The following HMGCL variants were observed in gnomAD, a reference collection of about 807,000 sequenced individuals.
The protein encoded by HMGCL is 3-hydroxy-3-methylglutaryl-CoA lyase, also known as hydroxymethylglutaryl-CoA lyase, mitochondrial.
Under a neutral mutation model 37.3 loss-of-function variants are expected in HMGCL, and 26 were observed. The ratio of observed to expected loss-of-function variants is 0.70; its 90% CI spans 0.51 to 0.97. The LOEUF (loss-of-function observed/expected upper bound fraction) is 0.97. HMGCL is among the 50% of genes least tolerant of loss of function. The probability of loss-of-function intolerance (pLI) is 0.00; values close to 1 mark genes in which losing one functional copy is unlikely to be tolerated. For synonymous variants in HMGCL, 151 were observed against 148.0 expected (o/e 1.02, Z -0.15); for missense variants, 379 against 398.1 (o/e 0.95, Z 0.41).
Position 23,804,388 on chromosome 1 carries a change from G to A in HMGCL, c.876+12C>T, listed in dbSNP as rs1638361908. ...TTCGGGGCTGTCGCCACCAGGGGGTGGGTGGGCTTACCGTGTGAATGCCCA... is the reference window on the plus strand; with the variant it reads ...TTCGGGGCTGTCGCCACCAGGGGGTAGGTGGGCTTACCGTGTGAATGCCCA... On this transcript the variant is annotated intron_variant, in intron 8 of 8. Transcript: ENST00000374490. 2.5e-6 allele frequency: 4 copies of A among 1,614,014 alleles called. No homozygotes were observed. The highest frequency in any genetic ancestry group is 3.4e-6 in the Non-Finnish European group (4 of 1,180,042).
chr1:23,816,061 G>A (rs1013980339), intron 4 of HMGCL, among the ~76,000 whole-genome samples: 2 of 151,070 alleles, frequency 1.3e-5, no homozygotes, highest in Admixed American at 1.3e-4. Context: ...AGGACTACAG[G>A]TGCATGCCAT....
At chr1:23,813,954 C>T (rs1251708305) in intron 5 of HMGCL, 2 of 552,602 alleles carry the variant, frequency 3.6e-6, no homozygotes, top group Non-Finnish European at 6.5e-6. Context: ...GTTGCTAGGA[C>T]TACAGGCGCA....
rs959161107 is a variant in HMGCL, at chr1:23,816,866, G to A, written c.253-96C>T. On this transcript the variant is annotated intron_variant, in intron 3 of 8. Coordinates refer to ENST00000374490, the MANE Select transcript of HMGCL (RefSeq NM_000191.3). ...TTCATCACAAAACCTCTGTTCTCCAGAACTCTTAGCGAGTAATTCCTTCTG... is the reference window on the plus strand; with the variant it reads ...TTCATCACAAAACCTCTGTTCTCCAAAACTCTTAGCGAGTAATTCCTTCTG... 5.0e-6 allele frequency: 4 copies of A among 804,196 alleles called. No individual in the cohort carries two copies. In the African/African-American group the frequency reaches 6.7e-5, roughly 13 times the overall value. The allele number at this position is 804,196 out of a possible 1,614,324, so 49.8% of individuals were successfully genotyped here.
intron 4 of HMGCL, 177 bp downstream of exon 4, chr1:23,816,498 A>C: frequency 1.4e-6 from 1 of 714,550 alleles, no homozygotes; most frequent in South Asian, 1.5e-5. Flanking sequence ...TAGGCTTGTC[A>C]ACTTGTCAAG....
chr1:23,813,466 C>T (rs1638558909), intron 5 of HMGCL, among the ~76,000 whole-genome samples: 1 of 151,902 alleles, frequency 6.6e-6, no homozygotes, highest in Non-Finnish European at 1.5e-5. Context: ...TGGGGTTTCA[C>T]CATGTCGGCC....
chr1:23,811,614 C>T (rs1638522449), intron 5 of HMGCL, among the ~76,000 whole-genome samples: 2 of 152,132 alleles, frequency 1.3e-5, no homozygotes, highest in Admixed American at 1.3e-4. Context: ...AGAGGGAAGA[C>T]CTGGGCAAAG....
intron 6 of HMGCL, 37 bp from the exon 7 acceptor site, chr1:23,808,360 C>G: frequency 6.3e-7 from 1 of 1,579,548 alleles, no homozygotes; most frequent in Non-Finnish European, 8.7e-7. Context: ...GATACAGAAT[C>G]CACCAGCCAG....
chr1:23,802,325 G>A lies in HMGCL; in HGVS notation c.*138C>T. On this transcript the variant is annotated 3_prime_UTR_variant, in exon 9 of 9. Coordinates refer to ENST00000374490, the MANE Select transcript of HMGCL (RefSeq NM_000191.3). ...CCTGCCCTTCGCCTGCTTTCTGCCA[G>A]GAGAGACCTCTGTGTAGAGCTGGCT... 1 of 725,066 alleles carries A rather than the reference G, an allele frequency of 1.4e-6. No individual in the cohort carries two copies. The highest frequency in any genetic ancestry group is 1.5e-5 in the South Asian group (1 of 68,402). 44.9% of individuals were successfully genotyped at this position (725,066 alleles called of 1,614,324 possible).
chr1:23,816,005 A>G (rs1638606646), intron 4 of HMGCL, among the ~76,000 whole-genome samples: 1 of 151,464 alleles, frequency 6.6e-6, no homozygotes, highest in South Asian at 2.1e-4. Flanking sequence ...TGCAGCCTCG[A>G]ACTCCTAGTC....
chr1:23,816,758 T>C lies in HMGCL; in HGVS notation c.265A>G (p.Thr89Ala), dbSNP rs374889660. The change falls in exon 4 of 9, where the codon ACT becomes GCT. Residue 89 changes from threonine (T) to alanine (A), a missense_variant. By Grantham distance (58) the Thr-to-Ala change is moderately conservative. Coordinates refer to ENST00000374490, the MANE Select transcript of HMGCL (RefSeq NM_000191.3). ...TTCTGAATGCCCTTCAAGACTTCAG[T>C]GTGGTCACCCATCTAGGAACCAAGG... ...PKWVPQMGDH[T>A]EVLKGIQKFP... The C allele has an allele frequency of 5.0e-6, 8 of 1,609,476 alleles. No homozygotes were observed. The African/African-American group carries it at 8.0e-5, about 16-fold the overall frequency.
chr1:23,806,868 C>A lies in HMGCL; in HGVS notation c.750+1267G>T. ...TATTTACACGCCTGTAATCTTCCAT[C>A]TGTCTTCCCCACCCACCATAACATG... On this transcript the variant is annotated intron_variant, in intron 7 of 8. Coordinates refer to ENST00000374490, the MANE Select transcript of HMGCL (RefSeq NM_000191.3). This position sits in a 1 kb window ranked among gnomAD's most constrained non-coding sequence, Gnocchi z 4.0. The A allele has an allele frequency of 2.1e-6, 1 of 465,458 alleles. No homozygotes were observed. The highest frequency in any genetic ancestry group is 4.3e-6 in the Non-Finnish European group (1 of 232,918). 28.8% of individuals were successfully genotyped at this position (465,458 alleles called of 1,614,324 possible).
Position 23,825,274 on chromosome 1 carries a change from A to G in HMGCL, c.60+82T>C, listed in dbSNP as rs1638795614. ...AGCTGTCCGGCCTCGCCTCTAAGAG[A>G]GCAGTCACCACGGGCCAAGCCCCCA... On this transcript the variant is annotated intron_variant, in intron 1 of 8. Transcript: ENST00000374490. The G allele has an allele frequency of 2.6e-6, 3 of 1,154,480 alleles. No homozygotes were observed. In the Admixed American group the frequency reaches 6.0e-5, roughly 23 times the overall value. The allele number at this position is 1,154,480 out of a possible 1,614,324, so 71.5% of individuals were successfully genotyped here.
rs141640670 is a variant in HMGCL at position 23,805,800 on chromosome 1, C to G, written c.751-1275G>C. Among the ~76,000 whole-genome samples the G allele has an allele frequency of 6.9e-4, 105 of 152,318 alleles. 1 individual carries two copies. Among genetic ancestry groups the G allele is most frequent in the African/African-American group, 2.3e-3 (94 of 41,568 alleles). On this transcript the variant is annotated intron_variant, in intron 7 of 8. Coordinates refer to ENST00000374490, the MANE Select transcript of HMGCL (RefSeq NM_000191.3). ...ACCTGCCTATAGATGTCTCGAGCTTCACAGATCAGAACACGAACTGCTGAG... is the reference window on the plus strand; with the variant it reads ...ACCTGCCTATAGATGTCTCGAGCTTGACAGATCAGAACACGAACTGCTGAG...
At chr1:23,815,649 C>T (rs1638598522) in intron 4 of HMGCL, among the ~76,000 whole-genome samples, 1 of 151,846 alleles carries the variant, frequency 6.6e-6, no homozygotes, top group African/African-American at 2.4e-5. Context: ...GTACCTGCCA[C>T]CAAGCCTGGC....
chr1:23,808,086 G>T, intron 7 of HMGCL, 49 bp downstream of exon 7: 1 of 1,510,608 alleles, frequency 6.6e-7, no homozygotes, highest in Non-Finnish European at 9.2e-7. Context: ...ATAACAAGCT[G>T]TCCTGCCCAC....
chr1:23,820,597 T>C lies in HMGCL; in HGVS notation c.61-4A>G, dbSNP rs201383303. 6.2e-7 allele frequency: 1 copy of C among 1,612,762 alleles called. No individual in the cohort carries two copies. Among genetic ancestry groups the C allele is most frequent in the Non-Finnish European group, 8.5e-7 (1 of 1,178,696 alleles). ...TGCCCATAGATGAGGTGCTGACCTTTGGTTTAAAAGAGGAAACAAAAAGTA... is the reference window on the plus strand; with the variant it reads ...TGCCCATAGATGAGGTGCTGACCTTCGGTTTAAAAGAGGAAACAAAAAGTA... On this transcript the variant is annotated splice_region_variant and splice_polypyrimidine_tract_variant and intron_variant, in intron 1 of 8. Transcript: ENST00000374490.
Position 23,825,371 on chromosome 1 carries a change from C to G in HMGCL, c.45G>C (p.Leu15Phe). The change falls in exon 1 of 9, where the codon TTG (leucine) becomes TTC (phenylalanine). Residue 15 changes from leucine to phenylalanine, a missense_variant. By Grantham distance (22) the Leu-to-Phe change is conservative (BLOSUM62 0). Transcript: ENST00000374490. Reference sequence around the variant, plus strand: ...GGGCACTTACAGCCCGGAGGGACGCCAAGCCCACCAGTCGCCGCGGAAGCG... The same window carrying G: ...GGGCACTTACAGCCCGGAGGGACGCGAAGCCCACCAGTCGCCGCGGAAGCG... Reference protein sequence around the residue: ...RKALPRRLVGLASLRAVSTSS... With the variant: ...RKALPRRLVGFASLRAVSTSS... 1 of 1,560,678 alleles carries G rather than the reference C, an allele frequency of 6.4e-7. No homozygotes were observed. Among genetic ancestry groups the G allele is most frequent in the Non-Finnish European group, 8.7e-7 (1 of 1,153,174 alleles).
At chr1:23,803,990 T>C (rs780450276) in intron 8 of HMGCL, 10 of 224,606 alleles carry the variant, frequency 4.5e-5, no homozygotes, top group Non-Finnish European at 8.2e-5. Context: ...AGGACTGAAC[T>C]GTCAAAGTCA....
intron 1 of HMGCL, among the ~76,000 whole-genome samples, chr1:23,821,367 A>T (rs937545609): frequency 4.7e-5 from 7 of 150,032 alleles, no homozygotes; most frequent in African/African-American, 7.4e-5. Flanking sequence ...CAAAAAAAAT[A>T]AAAAAAGGCC....
Sources: allele counts gnomAD v4.1 joint callset (sites outside exome capture counted in the v4.1 genomes callset), GRCh38; gene constraint gnomAD v4.1.1; non-coding constraint Gnocchi (gnomAD v3.1); transcripts MANE v1.5; gene names NCBI Gene and HGNC (gene_info 2026-07-23, HGNC 2026-07-21).